The following ADCY9 variants were observed in gnomAD, a reference collection of about 807,000 sequenced individuals.
The protein encoded by ADCY9 is adenylate cyclase type 9.
Under a neutral mutation model 101.5 loss-of-function variants are expected in ADCY9, and 50 were observed. The observed-to-expected ratio is 0.49, with a 90% confidence interval of 0.39 to 0.62. ADCY9 has a LOEUF of 0.62. Among genes scored for constraint, ADCY9 ranks in the 20% least tolerant of loss-of-function variants. ADCY9 has a pLI of 0.00. For missense variants in ADCY9, 1,662 were observed against 1,800.4 expected, an observed-to-expected ratio of 0.92 and a Z score of 1.39; for synonymous variants, 905 against 769.3, an observed-to-expected ratio of 1.18 and a Z score of -2.92.
At chr16:4,071,921 G>A (rs1159373127) in intron 2 of ADCY9, among the ~76,000 whole-genome samples, 1 of 151,966 alleles carries the variant, frequency 6.6e-6, no homozygotes, top group Non-Finnish European at 1.5e-5. Context: ...AGCGATTCTC[G>A]CGCCTCAGCC....
chr16:4,089,673 C>T (rs1016556840), intron 2 of ADCY9, among the ~76,000 whole-genome samples: 9 of 152,024 alleles, frequency 5.9e-5, no homozygotes, highest in African/African-American at 2.2e-4. Flanking sequence ...AGCAAGTGAA[C>T]CATTTCACGT....
chr16:3,958,541 C>CAAAAAAAAAAAAAA (rs57920543), downstream of ADCY9, among the ~76,000 whole-genome samples: 2 of 104,186 alleles, frequency 1.9e-5, no homozygotes, highest in East Asian at 2.7e-4. Context: ...AACTCCGTCT[C>CAAAAAAAAAAAAAA]AAAAAAAAAA....
intron 2 of ADCY9, among the ~76,000 whole-genome samples, chr16:4,073,520 C>G (rs190927800): frequency 3.3e-4 from 51 of 152,252 alleles, no homozygotes; most frequent in African/African-American, 1.2e-3. Flanking sequence ...CTCAGCCTCC[C>G]AAGTAGCTGG....
At chr16:4,096,167 C>T (rs930581037) in intron 2 of ADCY9, among the ~76,000 whole-genome samples, 2 of 152,040 alleles carry the variant, frequency 1.3e-5, no homozygotes, top group African/African-American at 2.4e-5. Context: ...AATTTAGTGG[C>T]TCTATAAATC....
At chr16:3,969,186 T>G (rs540735488) in intron 10 of ADCY9, among the ~76,000 whole-genome samples, 210 of 152,180 alleles carry the variant, frequency 1.4e-3, no homozygotes, top group Middle Eastern at 0.01. Context: ...GTGGCACTGA[T>G]GGAGACAGCC....
At chr16:3,983,102 A>G in intron 7 of ADCY9, 130 bp downstream of exon 7, 3 of 859,756 alleles carry the variant, frequency 3.5e-6, no homozygotes, top group Non-Finnish European at 5.2e-6. Context: ...GGACACGGGG[A>G]CCCATCTCCA....
At chr16:4,001,204 G>A (rs1270030837) in intron 3 of ADCY9, among the ~76,000 whole-genome samples, 1 of 152,134 alleles carries the variant, frequency 6.6e-6, no homozygotes, top group Non-Finnish European at 1.5e-5. Flanking sequence ...TCCCTTTGCT[G>A]TTCGGGTCTC....
intron 3 of ADCY9, among the ~76,000 whole-genome samples, chr16:4,004,635 A>T (rs1405034416): frequency 6.6e-6 from 1 of 152,218 alleles, no homozygotes. Flanking sequence ...ACCATGCTCG[A>T]CACTTGGGAA....
intron 3 of ADCY9, among the ~76,000 whole-genome samples, chr16:3,998,728 A>AG (rs752485132): frequency 0.046 from 6,001 of 129,814 alleles, 387 homozygotes; most frequent in Non-Finnish European, 0.067. Flanking sequence ...AAAAAAAAAA[A>AG]AAAAAAAGAA....
Position 4,114,439 on chromosome 16 carries a change from T to A in ADCY9, c.1004A>T (p.His335Leu). 6.2e-7 allele frequency: 1 copy of A among 1,614,196 alleles called. No individual in the cohort carries two copies. Among genetic ancestry groups the A allele is most frequent in the Non-Finnish European group, 8.5e-7 (1 of 1,180,054 alleles). ...GGCTATGATTCTTGGCATCACGGAA[T>A]GAATCATCCTCTCTTTGAGGGCTTT... ...VEKALKERMI[H>L]SVMPRIIADD... Residue 335 changes from histidine to leucine, a missense_variant, in exon 2 of 11, where the codon CAT becomes CTT. His to Leu is a moderately conservative substitution (Grantham distance 99, BLOSUM62 -3). Transcript: ENST00000294016. The surrounding 1 kb of genome is among the most constrained non-coding windows in gnomAD (Gnocchi z 4.3).
At chr16:3,996,153 G>A (rs892189185) in intron 3 of ADCY9, among the ~76,000 whole-genome samples, 2 of 152,164 alleles carry the variant, frequency 1.3e-5, no homozygotes, top group African/African-American at 4.8e-5. Context: ...TTAGGGCCAG[G>A]AGTTCAAGAC....
At position 4,086,826 on chromosome 16, in the gene ADCY9, A is replaced by G. The variant is rs562296245; in HGVS notation, c.1693+26924T>C. Among the ~76,000 whole-genome samples, 601 of 151,606 alleles carry G rather than the reference A, an allele frequency of 4.0e-3. 3 individuals are homozygous for G. Among genetic ancestry groups the G allele is most frequent in the Non-Finnish European group, 6.8e-3 (461 of 67,812 alleles). ...AGGCATGCGCCACCACGCCCGGCTAATTTTTGTATTTTTAGTAGAGATGGG... is the reference window on the plus strand; with the variant it reads ...AGGCATGCGCCACCACGCCCGGCTAGTTTTTGTATTTTTAGTAGAGATGGG... On this transcript the variant is annotated intron_variant, in intron 2 of 10. Transcript: ENST00000294016.
At chr16:4,059,055 C>A (rs1322810092) in intron 2 of ADCY9, among the ~76,000 whole-genome samples, 1 of 151,816 alleles carries the variant, frequency 6.6e-6, no homozygotes, top group Non-Finnish European at 1.5e-5. Context: ...TTCTATATTG[C>A]CAAATTTTAC....
rs542791091 is a variant in ADCY9, at chr16:4,080,801, T to C, written c.1693+32949A>G. On this transcript the variant is annotated intron_variant, in intron 2 of 10. Transcript: ENST00000294016. ...CCAAGGTCCCGTAGAGAGCACTTTTTCCCCCTTGCCTCTTCTTTAAACTCC... is the reference window on the plus strand; with the variant it reads ...CCAAGGTCCCGTAGAGAGCACTTTTCCCCCCTTGCCTCTTCTTTAAACTCC... 3.9e-5 allele frequency among the ~76,000 whole-genome samples: 6 copies of C among 151,916 alleles called. No individual in the cohort carries two copies. In the East Asian group the frequency reaches 7.7e-4, roughly 20 times the overall value.
chr16:3,958,900 C>G (rs7199977), downstream of ADCY9, among the ~76,000 whole-genome samples: 117,785 of 151,552 alleles, frequency 0.78, 45,948 homozygotes, highest in South Asian at 0.8. Context: ...AGTCTTGACT[C>G]CTGACCTCAG....
chr16:3,970,917 C>T (rs886272361), intron 10 of ADCY9, among the ~76,000 whole-genome samples: 6 of 152,116 alleles, frequency 3.9e-5, no homozygotes, highest in East Asian at 1.9e-4. Context: ...CCTAAGGTTC[C>T]GTGCAGGAAA....
At chr16:4,020,097 A>G (rs989988506) in intron 2 of ADCY9, among the ~76,000 whole-genome samples, 3 of 152,136 alleles carry the variant, frequency 2.0e-5, no homozygotes, top group African/African-American at 4.8e-5. Context: ...AAAGAAAAAG[A>G]AAAAGAACTT....
intron 2 of ADCY9, among the ~76,000 whole-genome samples, chr16:4,018,237 G>A (rs1368071401): frequency 2.8e-5 from 4 of 143,792 alleles, no homozygotes; most frequent in Non-Finnish European, 4.5e-5. Context: ...TTTTTGAGAT[G>A]GAGTCTCGCT....
intron 2 of ADCY9, among the ~76,000 whole-genome samples, chr16:4,112,076 G>A (rs1042990426): frequency 2.6e-5 from 4 of 151,904 alleles, no homozygotes; most frequent in African/African-American, 9.7e-5. Context: ...ACGTACTGCC[G>A]CCCAGCTCCA....
Sources: allele counts gnomAD v4.1 joint callset (sites outside exome capture counted in the v4.1 genomes callset), GRCh38; gene constraint gnomAD v4.1.1; non-coding constraint Gnocchi (gnomAD v3.1); transcripts MANE v1.5; gene names NCBI Gene and HGNC (gene_info 2026-07-23, HGNC 2026-07-21).